Variants in PCDHGA7 observed in about 807,000 individuals in gnomAD.
The protein encoded by PCDHGA7 is protocadherin gamma-A7.
A neutral mutation model predicts 58.3 loss-of-function variants in PCDHGA7; 44 were observed. That is an observed-to-expected ratio of 0.75 (90% confidence interval 0.59 to 0.97). PCDHGA7 has a LOEUF of 0.97. Ranked by LOEUF, PCDHGA7 falls within the 50% of genes least tolerant of loss-of-function variation. The probability of loss-of-function intolerance (pLI) is 0.00; values close to 1 mark genes in which losing one functional copy is unlikely to be tolerated. For missense variants in PCDHGA7, 1,266 were observed against 1,188.7 expected, an observed-to-expected ratio of 1.06 and a Z score of -0.96; for synonymous variants, 516 against 504.2, an observed-to-expected ratio of 1.02 and a Z score of -0.31.
intron 1 of PCDHGA7, chr5:141,394,953 C>T (rs749925118): frequency 6.2e-7 from 1 of 1,613,886 alleles, no homozygotes; most frequent in Non-Finnish European, 8.5e-7. Context: ...GCTTCTGGGG[C>T]TCAGGCTGAG....
At chr5:141,422,934 C>T in intron 1 of PCDHGA7, 1 of 1,614,254 alleles carries the variant, frequency 6.2e-7, no homozygotes, top group Non-Finnish European at 8.5e-7. Context: ...CTGCCCTCCC[C>T]ACAGACGGCT....
At chr5:141,478,269 A>G in intron 1 of PCDHGA7, 1 of 1,614,146 alleles carries the variant, frequency 6.2e-7, no homozygotes, top group Non-Finnish European at 8.5e-7. Flanking sequence ...TTCAAAGTTT[A>G]CAAGTGGAAG....
chr5:141,500,148 G>T (rs936567158), intron 2 of PCDHGA7, among the ~76,000 whole-genome samples: 6 of 150,990 alleles, frequency 4.0e-5, no homozygotes, highest in African/African-American at 1.5e-4. Flanking sequence ...ACTTTTCTTT[G>T]TGTAATCAAA....
intron 1 of PCDHGA7, chr5:141,408,899 A>G (rs1379621758): frequency 1.2e-6 from 2 of 1,613,316 alleles, no homozygotes; most frequent in Non-Finnish European, 8.5e-7. Context: ...AATTTCTGTC[A>G]AGGATACCAA....
At chr5:141,392,766 C>T (rs1196100164) in intron 1 of PCDHGA7, 1 of 1,488,966 alleles carries the variant, frequency 6.7e-7, no homozygotes. Flanking sequence ...AAATAAGACC[C>T]ATTTATGCAC....
intron 1 of PCDHGA7, chr5:141,388,789 T>G: frequency 1.9e-6 from 3 of 1,613,948 alleles, no homozygotes; most frequent in Non-Finnish European, 2.5e-6. Flanking sequence ...ATTACTGTTT[T>G]AAATACATTA....
At chr5:141,499,726 ACT>A (rs1368224475) in intron 2 of PCDHGA7, among the ~76,000 whole-genome samples, 1 of 128,608 alleles carries the variant, frequency 7.8e-6, no homozygotes, top group African/African-American at 3.0e-5. Flanking sequence ...ACAGAGTCTC[ACT>A]CTCTTGCCCA....
At chr5:141,399,063 A>C in intron 1 of PCDHGA7, 1 of 1,613,714 alleles carries the variant, frequency 6.2e-7, no homozygotes. Flanking sequence ...AGGAATATTC[A>C]ATGGTTGTAG....
In PCDHGA7 at chr5:141,384,366, T is replaced by A. The variant is rs573164893; in HGVS notation, c.1467T>A (p.Tyr489Ter). 1 of 1,613,896 alleles carries A rather than the reference T, an allele frequency of 6.2e-7. No homozygotes were observed. The highest frequency in any genetic ancestry group is 8.5e-7 in the Non-Finnish European group (1 of 1,179,880). Reference protein sequence around the residue: ...HDSEDNAQITYSLAEDTIQGA... With the variant: ...HDSEDNAQIT Reference sequence around the variant, plus strand: ...GTGAGGATAATGCCCAGATCACTTATTCCTTGGCCGAAGACACCATCCAGG... The same window carrying A: ...GTGAGGATAATGCCCAGATCACTTAATCCTTGGCCGAAGACACCATCCAGG... Residue 489 changes from tyrosine (Y) to a stop codon, truncating the protein, a stop_gained, in exon 1 of 4, where the codon TAT becomes TAA. Coordinates refer to ENST00000518325, the MANE Select transcript of PCDHGA7 (RefSeq NM_018920.4). LOFTEE classifies it high-confidence loss of function.
Position 141,487,265 on chromosome 5 carries a change from G to C in PCDHGA7, c.2425-7542G>C, listed in dbSNP as rs144347539. 6,978 of 1,614,152 alleles carry C rather than the reference G, an allele frequency of 4.3e-3. 28 individuals carry two copies. Among genetic ancestry groups the C allele is most frequent in the Non-Finnish European group, 4.9e-3 (5,770 of 1,180,028 alleles). ...AACCCTCTACTTGGCTGTGTCCCTA[G>C]TGGCAATTTGCTTTGTCTCCTTTGG... On this transcript the variant is annotated intron_variant, in intron 1 of 3. Coordinates refer to ENST00000518325, the MANE Select transcript of PCDHGA7 (RefSeq NM_018920.4). This position sits in a 1 kb window ranked among gnomAD's most constrained non-coding sequence, Gnocchi z 5.0.
At chr5:141,393,968 C>T (rs2092886432) in intron 1 of PCDHGA7, 1 of 1,613,770 alleles carries the variant, frequency 6.2e-7, no homozygotes, top group Non-Finnish European at 8.5e-7. Context: ...TTGTCTGTTA[C>T]ACACGTGATA....
At chr5:141,478,712 G>T in intron 1 of PCDHGA7, 1 of 1,547,046 alleles carries the variant, frequency 6.5e-7, no homozygotes, top group Non-Finnish European at 8.7e-7. Flanking sequence ...TTTGTGAGAT[G>T]GTGGCCTGCC....
rs1289333371 is a variant in PCDHGA7, at chr5:141,460,404, G to C, written c.2425-34403G>C. Among the ~76,000 whole-genome samples, 21 of 152,038 alleles carry C rather than the reference G, an allele frequency of 1.4e-4. 1 individual carries two copies. The highest frequency in any genetic ancestry group is 1.4e-3 in the Admixed American group (21 of 15,256). Reference sequence around the variant, plus strand: ...TATAATTTGGTCTATGAATCCTTTTGAGTTGATGTTTATGTATGGTGTATG... The same window carrying C: ...TATAATTTGGTCTATGAATCCTTTTCAGTTGATGTTTATGTATGGTGTATG... On this transcript the variant is annotated intron_variant, in intron 1 of 3. Transcript: ENST00000518325.
In PCDHGA7 at chr5:141,428,146, C is replaced by G. The variant is rs549173211; in HGVS notation, c.2424+42823C>G. The G allele has an allele frequency of 1.3e-5, 21 of 1,589,348 alleles. No individual in the cohort carries two copies. The East Asian group carries it at 4.0e-4, about 30-fold the overall frequency. Reference sequence around the variant, plus strand: ...GGGCTTTTCAGCCTGGGGCTGCACACGGGAACCTGCTGGTTGCTGTGCGTG... The same window carrying G: ...GGGCTTTTCAGCCTGGGGCTGCACAGGGGAACCTGCTGGTTGCTGTGCGTG... On this transcript the variant is annotated intron_variant, in intron 1 of 3. Transcript: ENST00000518325.
At chr5:141,510,810 A>G (rs1455434913) in intron 3 of PCDHGA7, 137 bp from the exon 4 acceptor site, 19 of 1,519,650 alleles carry the variant, frequency 1.3e-5, no homozygotes, top group Admixed American at 2.0e-5. Flanking sequence ...TACCTTGGTG[A>G]CCCCTATATT....
At chr5:141,419,151 C>T (rs2096335413) in intron 1 of PCDHGA7, 2 of 1,613,800 alleles carry the variant, frequency 1.2e-6, no homozygotes, top group African/African-American at 2.7e-5. Context: ...GGCAAGCCTC[C>T]GTTATCCTCC....
At chr5:141,400,740 G>T in intron 1 of PCDHGA7, 1 of 616,766 alleles carries the variant, frequency 1.6e-6, no homozygotes, top group Non-Finnish European at 2.8e-6. Context: ...GTGAGAGTTT[G>T]CTCTTAGCTT....
chr5:141,410,849 C>CTTTTTTTTTTTT lies in PCDHGA7; in HGVS notation c.2424+25537_2424+25548dup. The CTTTTTTTTTTTT allele has an allele frequency of 2.7e-3, 375 of 138,154 alleles. 24 individuals are homozygous for CTTTTTTTTTTTT. The highest frequency in any genetic ancestry group is 6.9e-3 in the African/African-American group (114 of 16,622). 8.6% of individuals were successfully genotyped at this position (138,154 alleles called of 1,614,324 possible). ...CAGACTGAAGATATTTTGTCTTTGTCTTTTTTTTTTTTTTTTTTTTTTGAG... is the reference window on the plus strand; with the variant it reads ...CAGACTGAAGATATTTTGTCTTTGTCTTTTTTTTTTTTTTTTTTTTTTTTTTTTTTTTTTGAG... On this transcript the variant is annotated intron_variant, in intron 1 of 3. Coordinates refer to ENST00000518325, the MANE Select transcript of PCDHGA7 (RefSeq NM_018920.4).
intron 2 of PCDHGA7, among the ~76,000 whole-genome samples, chr5:141,502,431 G>A (rs998074347): frequency 1.3e-5 from 2 of 151,948 alleles, no homozygotes; most frequent in African/African-American, 4.8e-5. Context: ...TTCTCTGATG[G>A]TTAGATTCAG....
Sources: allele counts gnomAD v4.1 joint callset (sites outside exome capture counted in the v4.1 genomes callset), GRCh38; gene constraint gnomAD v4.1.1; non-coding constraint Gnocchi (gnomAD v3.1); transcripts MANE v1.5; gene names NCBI Gene and HGNC (gene_info 2026-07-23, HGNC 2026-07-21).